Variants in CPAP observed in about 807,000 individuals in gnomAD.
CPAP encodes centrosome assembly and centriole elongation protein.
chr13:24,887,699 A>C, the CPAP span, among the ~76,000 whole-genome samples: 2 of 152,154 alleles, frequency 1.3e-5, no homozygotes, highest in African/African-American at 4.8e-5. Context: ...GTGCACAATA[A>C]ATTTAATGTG....
chr13:24,909,753 A>T, the CPAP span: 1 of 1,572,818 alleles, frequency 6.4e-7, no homozygotes. Context: ...ACTTAGTAAC[A>T]CTATAAGCAC....
the CPAP span, among the ~76,000 whole-genome samples, chr13:24,927,914 A>G: frequency 1.3e-5 from 2 of 152,230 alleles, no homozygotes; most frequent in African/African-American, 4.8e-5. Flanking sequence ...TCTTGGATAT[A>G]TACTAACATC....
chr13:24,908,078 G>C, the CPAP span: 1 of 1,612,990 alleles, frequency 6.2e-7, no homozygotes, highest in Admixed American at 1.7e-5. Context: ...CTTATCATTT[G>C]CTTCCTGAAT....
At chr13:24,927,578 C>A in the CPAP span, among the ~76,000 whole-genome samples, 1 of 152,302 alleles carries the variant, frequency 6.6e-6, no homozygotes, top group East Asian at 1.9e-4. Context: ...TACTATTCTC[C>A]TTGCAAAACA....
the CPAP span, chr13:24,892,965 G>T: frequency 1.1e-6 from 1 of 894,684 alleles, no homozygotes; most frequent in Non-Finnish European, 1.8e-6. Flanking sequence ...AGAATAGCCA[G>T]CAAGAAAGGG....
chr13:24,915,080 AT>A, the CPAP span, among the ~76,000 whole-genome samples: 5 of 151,712 alleles, frequency 3.3e-5, no homozygotes, highest in Admixed American at 3.3e-4. Context: ...CTCTCAAAAA[AT>A]AATTAATTAA....
chr13:24,929,895 T>C, the CPAP span, among the ~76,000 whole-genome samples: 2 of 147,490 alleles, frequency 1.4e-5, no homozygotes, highest in Admixed American at 7.2e-5. Context: ...TGAGCGTCAC[T>C]TGTGAATTTT....
the CPAP span, chr13:24,883,133 C>T: frequency 3.4e-6 from 5 of 1,491,452 alleles, no homozygotes; most frequent in African/African-American, 4.1e-5. Flanking sequence ...CATTTTTTAA[C>T]ATAAAAAGTC....
At chr13:24,884,461 C>T in the CPAP span, 2 of 1,613,994 alleles carry the variant, frequency 1.2e-6, no homozygotes, top group East Asian at 2.2e-5. Context: ...AAACCTTTTC[C>T]ACCTAAAAAA....
the CPAP span, chr13:24,906,634 A>C: frequency 6.2e-7 from 1 of 1,614,264 alleles, no homozygotes. Context: ...CTGACGGAGA[A>C]AGACTTTTCC....
At chr13:24,898,249 T>C in the CPAP span, among the ~76,000 whole-genome samples, 1 of 152,148 alleles carries the variant, frequency 6.6e-6, no homozygotes, top group Non-Finnish European at 1.5e-5. Flanking sequence ...TGACTATGTA[T>C]AGGTGAAATG....
chr13:24,884,143 G>A, the CPAP span: 14 of 1,613,210 alleles, frequency 8.7e-6, no homozygotes, highest in Non-Finnish European at 1.1e-5. Flanking sequence ...TTAATGAGAG[G>A]GTGGAGCAAG....
At chr13:24,916,242 T>C in the CPAP span, among the ~76,000 whole-genome samples, 2 of 152,142 alleles carry the variant, frequency 1.3e-5, no homozygotes, top group African/African-American at 2.4e-5. Context: ...AGTCTAGTAC[T>C]GAAGTGGAAT....
chr13:24,892,020 G>A, the CPAP span, among the ~76,000 whole-genome samples: 427 of 152,234 alleles, frequency 2.8e-3, 4 homozygotes, highest in African/African-American at 9.9e-3. Flanking sequence ...CGAAGGTCTC[G>A]TCACCATCTC....
At chr13:24,931,271 A>C in the CPAP span, among the ~76,000 whole-genome samples, 1 of 104,884 alleles carries the variant, frequency 9.5e-6, no homozygotes, top group Admixed American at 8.6e-5. Context: ...CTGTTCATTT[A>C]CTTTTTCCTT....
the CPAP span, chr13:24,912,597 A>T: frequency 1.9e-6 from 3 of 1,613,570 alleles, no homozygotes; most frequent in Middle Eastern, 1.7e-4. Context: ...CAAGTTTTTT[A>T]AAAAGTGGGT....
At chr13:24,896,562 G>A in the CPAP span, among the ~76,000 whole-genome samples, 1 of 152,218 alleles carries the variant, frequency 6.6e-6, no homozygotes, top group African/African-American at 2.4e-5. Flanking sequence ...AGAATCAGAG[G>A]ACACATCTTG....
the CPAP span, among the ~76,000 whole-genome samples, chr13:24,900,675 G>A: frequency 6.6e-6 from 1 of 152,120 alleles, no homozygotes; most frequent in Non-Finnish European, 1.5e-5. Context: ...TTGATCAGAT[G>A]AACCGTCCAA....
chr13:24,915,595 G>A, the CPAP span, among the ~76,000 whole-genome samples: 236 of 152,322 alleles, frequency 1.5e-3, 1 homozygote, highest in African/African-American at 5.4e-3. Flanking sequence ...CCTAAGGTCA[G>A]GAGTTCGAGA....
Sources: gnomAD v4.1 joint callset for allele counts (sites outside exome capture counted in the v4.1 genomes callset) on GRCh38, gnomAD v4.1.1 for gene constraint, MANE v1.5 for transcripts, NCBI Gene and HGNC (gene_info 2026-07-23, HGNC 2026-07-21) for gene names.